FAM153A: variants seen among roughly 807,000 people sequenced by gnomAD.
FAM153A encodes the protein family with sequence similarity 153 member A.
In FAM153A, 12 loss-of-function variants were observed where a neutral mutation model predicts 48.1. The ratio of observed to expected loss-of-function variants is 0.25; its 90% CI spans 0.16 to 0.40. The LOEUF (loss-of-function observed/expected upper bound fraction) is 0.40, where lower values mean the gene tolerates loss of function less well. Ranked by LOEUF, FAM153A falls within the 10% of genes least tolerant of loss-of-function variation. FAM153A has a pLI of 1.00. For missense variants in FAM153A, 111 were observed against 345.8 expected, an observed-to-expected ratio of 0.32 and a Z score of 5.38; for synonymous variants, 36 against 118.2, an observed-to-expected ratio of 0.30 and a Z score of 4.51.
rs181329664 is a variant in FAM153A, at chr5:177,778,581, C to G, written c.-57+1868G>C. On this transcript the variant is annotated intron_variant, in intron 1 of 8. Transcript: ENST00000393518. ...CAGAAGTTCCAGACTTCCAGACCAG[C>G]CTGGGCAATATAGTGAGGAAAAAAA... 5.0e-3 allele frequency among the ~76,000 whole-genome samples: 459 copies of G among 91,328 alleles called. 159 individuals carry two copies. The highest frequency in any genetic ancestry group is 0.02 in the African/African-American group (437 of 22,230). The allele number at this position is 91,328 out of a possible 152,430, so 59.9% of individuals were successfully genotyped here. A position where few individuals can be genotyped will look rare whatever the true frequency, so the allele number is the denominator to read the frequency against.
chr5:177,755,387 T>C (rs1175920569), upstream of FAM153A, among the ~76,000 whole-genome samples: 3 of 151,744 alleles, frequency 2.0e-5, no homozygotes, highest in South Asian at 6.2e-4. Flanking sequence ...ATGGGGAGAA[T>C]GGAACCAAGT....
At chr5:177,718,969 C>T (rs183299666), downstream of FAM153A, among the ~76,000 whole-genome samples, 1,711 of 151,456 alleles carry the variant, frequency 0.011, 56 homozygotes, top group African/African-American at 0.039. Context: ...CAATCTTCAC[C>T]TCCCAGATTC....
intron 1 of FAM153A, among the ~76,000 whole-genome samples, chr5:177,768,037 T>G (rs1179454153): frequency 1.4e-5 from 1 of 73,488 alleles, no homozygotes; most frequent in Non-Finnish European, 2.7e-5. Context: ...CAGTTGTAGG[T>G]CTGAAACTCC....
rs1364359738 is a variant in FAM153A, at chr5:177,730,635, C to T, written c.862+934G>A. 6.3e-5 allele frequency among the ~76,000 whole-genome samples: 8 copies of T among 126,716 alleles called. 1 individual carries two copies. The highest frequency in any genetic ancestry group is 1.9e-4 in the African/African-American group (7 of 37,282). The allele number at this position is 126,716 out of a possible 152,430, so 83.1% of individuals were successfully genotyped here. A position where few individuals can be genotyped will look rare whatever the true frequency, so the allele number is the denominator to read the frequency against. ...ATAGGTTTTCATTCTCCCACATGCA[C>T]ACAGAAGTGCTGGGATCAGTTGGCC... On this transcript the variant is annotated intron_variant, in intron 16 of 20. Transcript: ENST00000614127.
chr5:177,725,571 C>A (rs1466139232), intron 18 of FAM153A, among the ~76,000 whole-genome samples: 1 of 151,686 alleles, frequency 6.6e-6, no homozygotes, highest in Non-Finnish European at 1.5e-5. Flanking sequence ...AATGAGGGGA[C>A]CCTCCCAGGG....
intron 1 of FAM153A, among the ~76,000 whole-genome samples, chr5:177,779,181 T>C (rs376333935): frequency 6.6e-6 from 1 of 151,076 alleles, no homozygotes; most frequent in African/African-American, 2.5e-5. Context: ...ACAGAACAAG[T>C]CAAAAAGCCA....
At chr5:177,734,760 A>T (rs1294657670) in intron 13 of FAM153A, 103 bp downstream of exon 15, 1 of 1,603,990 alleles carries the variant, frequency 6.2e-7, no homozygotes. Flanking sequence ...GACACTGTGT[A>T]ACTAAGATAT....
rs1003498634 is a variant in FAM153A, at chr5:177,739,511, A to G, written c.537+89T>C. ...GTAAGTCATCTAAAATGTACATGGC[A>G]GTAAGATTTTCCTATCTTTATTCAA... is the stretch of plus-strand genomic sequence containing the variant. On this transcript the variant is annotated intron_variant, in intron 9 of 20. Coordinates refer to ENST00000614127, the Ensembl canonical transcript of FAM153A. The G allele has an allele frequency of 3.6e-6, 4 of 1,124,570 alleles. 1 individual carries two copies. 69.7% of individuals were successfully genotyped at this position (1,124,570 alleles called of 1,614,324 possible). A position where few individuals can be genotyped will look rare whatever the true frequency, so the allele number is the denominator to read the frequency against.
intron 1 of FAM153A, among the ~76,000 whole-genome samples, chr5:177,758,789 C>G (rs2127708942): frequency 1.4e-5 from 2 of 145,586 alleles, no homozygotes; most frequent in Non-Finnish European, 3.1e-5. Flanking sequence ...AAAGCTGAAA[C>G]TAGATCCCTT....
chr5:177,709,899 T>C (rs62389912), downstream of FAM153A, among the ~76,000 whole-genome samples: 26,002 of 114,884 alleles, frequency 0.23, 2,562 homozygotes, highest in South Asian at 0.31. Context: ...CTGACCTCAG[T>C]TGATCTGCCT....
chr5:177,739,326 AT>A (rs902731686), intron 9 of FAM153A, among the ~76,000 whole-genome samples, 189 bp from the exon 12 acceptor site: 8 of 129,182 alleles, frequency 6.2e-5, no homozygotes, highest in African/African-American at 2.0e-4. Flanking sequence ...TTTAAAATTT[AT>A]TTTGGTTGCA....
At chr5:177,760,963 A>T (rs1483850171) in intron 1 of FAM153A, among the ~76,000 whole-genome samples, 1 of 151,414 alleles carries the variant, frequency 6.6e-6, no homozygotes, top group Admixed American at 6.6e-5. Context: ...CTTCACAGGG[A>T]CAAGAATTCA....
downstream of FAM153A, among the ~76,000 whole-genome samples, chr5:177,705,954 A>G (rs1270506530): frequency 6.6e-6 from 1 of 151,668 alleles, no homozygotes; most frequent in African/African-American, 2.4e-5. Context: ...CACCGCGCCC[A>G]GCCTAGAAAA....
At chr5:177,698,333 C>T in the FAM153A span, among the ~76,000 whole-genome samples, 1 of 151,908 alleles carries the variant, frequency 6.6e-6, no homozygotes, top group Non-Finnish European at 1.5e-5. Flanking sequence ...TAGTTTTCTT[C>T]ATTCTTAATA....
At chr5:177,731,439 C>A (rs1174221789) in intron 16 of FAM153A, 130 bp downstream of exon 18, 2 of 230,506 alleles carry the variant, frequency 8.7e-6, no homozygotes, top group Non-Finnish European at 1.6e-5. Context: ...TTAAACTGAA[C>A]TTCCCAAATC....
At chr5:177,755,859 C>T (rs1457285974), upstream of FAM153A, among the ~76,000 whole-genome samples, 170 of 149,560 alleles carry the variant, frequency 1.1e-3, 3 homozygotes, top group African/African-American at 3.7e-3. Context: ...AAGGAACAAC[C>T]GGTACCAGCC....
chr5:177,737,363 A>C (rs1347397913), intron 10 of FAM153A, among the ~76,000 whole-genome samples: 1 of 151,346 alleles, frequency 6.6e-6, no homozygotes, highest in East Asian at 2.0e-4. Context: ...CCCATCTCAA[A>C]CAGGGCACAC....
chr5:177,776,558 A>G (rs1769329643), intron 1 of FAM153A, among the ~76,000 whole-genome samples: 1 of 83,270 alleles, frequency 1.2e-5, no homozygotes, highest in Non-Finnish European at 2.4e-5. Context: ...CTTACAAGGG[A>G]TGTGAAGGAC....
downstream of FAM153A, chr5:177,718,567 A>G (rs1760327186): frequency 7.4e-6 from 1 of 135,386 alleles, no homozygotes; most frequent in African/African-American, 2.6e-5. Flanking sequence ...TAAACCTCTA[A>G]ATGATCATCG....
Sources: gnomAD v4.1 joint callset for allele counts (sites outside exome capture counted in the v4.1 genomes callset) on GRCh38, gnomAD v4.1.1 for gene constraint, MANE v1.5 for transcripts, NCBI Gene and HGNC (gene_info 2026-07-23, HGNC 2026-07-21) for gene names.